OSBPL3: variants seen among roughly 807,000 people sequenced by gnomAD.
OSBPL3 encodes the protein oxysterol binding protein like 3.
Under a neutral mutation model 120.1 loss-of-function variants are expected in OSBPL3, and 65 were observed. The ratio of observed to expected loss-of-function variants is 0.54; its 90% CI spans 0.44 to 0.67. The LOEUF (loss-of-function observed/expected upper bound fraction) is 0.67, where lower values mean the gene tolerates loss of function less well. Among genes scored for constraint, OSBPL3 ranks in the 30% least tolerant of loss-of-function variants. The pLI is 0.00. For missense variants in OSBPL3, 1,004 were observed against 1,082.1 expected (o/e 0.93, Z 1.01); for synonymous variants, 416 against 402.6 (o/e 1.03, Z -0.40).
rs375477961 is a variant in OSBPL3, at chr7:24,830,753, A to T, written c.1884+15T>A. 26 of 1,590,858 alleles carry T rather than the reference A, an allele frequency of 1.6e-5. No homozygotes were observed. The highest frequency in any genetic ancestry group is 2.2e-5 in the Non-Finnish European group (26 of 1,172,670). On this transcript the variant is annotated intron_variant, in intron 16 of 22. Coordinates refer to ENST00000313367, the MANE Select transcript of OSBPL3 (RefSeq NM_015550.4). The surrounding 1 kb of genome is among the most constrained non-coding windows in gnomAD (Gnocchi z 4.4). ...AGCAACCCCTCCCAACAAGCAAAAA[A>T]TGGTGTACATCTACCTGTTCTGAAA... is the stretch of plus-strand genomic sequence containing the variant.
rs575763255 is a variant in OSBPL3, at chr7:24,894,849, T to C, written c.-149-2228A>G. ...GAGGCAGCTGATACAGGGTCATCTTTATCTCTTTGTCCTGCAGAATTTCAG... is the reference window on the plus strand; with the variant it reads ...GAGGCAGCTGATACAGGGTCATCTTCATCTCTTTGTCCTGCAGAATTTCAG... On this transcript the variant is annotated intron_variant, in intron 1 of 22. Transcript: ENST00000313367. The surrounding 1 kb of genome is among the most constrained non-coding windows in gnomAD (Gnocchi z 4.1). 6.6e-6 allele frequency among the ~76,000 whole-genome samples: 1 copy of C among 152,330 alleles called. No individual in the cohort carries two copies. The highest frequency in any genetic ancestry group is 6.5e-5 in the Admixed American group (1 of 15,310).
chr7:24,823,855 G>A (rs1795394640), intron 16 of OSBPL3, among the ~76,000 whole-genome samples: 1 of 152,196 alleles, frequency 6.6e-6, no homozygotes, highest in East Asian at 1.9e-4. Flanking sequence ...CTTAATCTTT[G>A]TTGATGGCAA....
chr7:24,899,722 T>C lies in OSBPL3; in HGVS notation c.-149-7101A>G, dbSNP rs1198881567. On this transcript the variant is annotated intron_variant, in intron 1 of 22. Transcript: ENST00000313367. This position sits in a 1 kb window ranked among gnomAD's most constrained non-coding sequence, Gnocchi z 4.0. ...GTTAATTAGCATTTCTGCATACAAA[T>C]GCATACAACCCACTATAAATGCCCA... Among the ~76,000 whole-genome samples the C allele has an allele frequency of 6.6e-6, 1 of 152,220 alleles. No individual in the cohort carries two copies. The highest frequency in any genetic ancestry group is 6.5e-5 in the Admixed American group (1 of 15,286).
chr7:24,836,087 T>G (rs1796961404), intron 14 of OSBPL3, among the ~76,000 whole-genome samples: 1 of 152,174 alleles, frequency 6.6e-6, no homozygotes, highest in African/African-American at 2.4e-5. Flanking sequence ...TAAATCATTT[T>G]TAAAGACTGT....
intron 1 of OSBPL3, among the ~76,000 whole-genome samples, chr7:24,895,360 A>C (rs1805985041): frequency 6.6e-6 from 1 of 152,172 alleles, no homozygotes; most frequent in African/African-American, 2.4e-5. Flanking sequence ...ATCATGCTGT[A>C]CAGGTTTGTA....
chr7:24,902,851 T>C (rs935597960), intron 1 of OSBPL3, among the ~76,000 whole-genome samples: 1 of 152,070 alleles, frequency 6.6e-6, no homozygotes, highest in East Asian at 1.9e-4. Flanking sequence ...GAGGGTCAAA[T>C]TGATGGCTCA....
At chr7:24,874,977 G>C (rs1251268852) in intron 2 of OSBPL3, among the ~76,000 whole-genome samples, 1 of 152,154 alleles carries the variant, frequency 6.6e-6, no homozygotes, top group African/African-American at 2.4e-5. Context: ...AGCCACTTTT[G>C]GTTGTGACAA....
chr7:24,974,477 G>A (rs560761309), intron 1 of OSBPL3, among the ~76,000 whole-genome samples: 9 of 152,240 alleles, frequency 5.9e-5, no homozygotes, highest in Middle Eastern at 3.4e-3. Flanking sequence ...TGTTTATTAC[G>A]CATCTATCTT....
intron 10 of OSBPL3, among the ~76,000 whole-genome samples, chr7:24,858,579 C>T (rs995129223): frequency 3.9e-5 from 6 of 152,202 alleles, no homozygotes; most frequent in Non-Finnish European, 5.9e-5. Flanking sequence ...GTTAGGCTCC[C>T]TGTGGAATTT....
At chr7:24,950,674 A>G (rs1223153936) in intron 1 of OSBPL3, among the ~76,000 whole-genome samples, 2 of 152,248 alleles carry the variant, frequency 1.3e-5, no homozygotes, top group Non-Finnish European at 2.9e-5. Flanking sequence ...GTGAGCGGAG[A>G]TCGTGCCACT....
At chr7:24,954,151 T>C (rs1814767928) in intron 1 of OSBPL3, among the ~76,000 whole-genome samples, 1 of 152,180 alleles carries the variant, frequency 6.6e-6, no homozygotes, top group African/African-American at 2.4e-5. Context: ...ACAGAATCAC[T>C]CAAGCCAAAG....
intron 1 of OSBPL3, among the ~76,000 whole-genome samples, chr7:24,924,492 C>T (rs138969312): frequency 2.6e-5 from 4 of 152,308 alleles, no homozygotes; most frequent in South Asian, 2.1e-4. Context: ...ATACCCAGTA[C>T]GGATTCCTAC....
rs457 is a variant in OSBPL3, at chr7:24,922,807, T to C, written c.-149-30186A>G. On this transcript the variant is annotated intron_variant, in intron 1 of 22. Coordinates refer to ENST00000313367, the MANE Select transcript of OSBPL3 (RefSeq NM_015550.4). This position sits in a 1 kb window ranked among gnomAD's most constrained non-coding sequence, Gnocchi z 4.3. ...CTGTCCAACCCTGTCCCTGCTGCCCTCACCCTCTTGGTGAAAGTGACAGAC... is the reference window on the plus strand; with the variant it reads ...CTGTCCAACCCTGTCCCTGCTGCCCCCACCCTCTTGGTGAAAGTGACAGAC... 0.62 allele frequency among the ~76,000 whole-genome samples: 93,820 copies of C among 151,368 alleles called. 29,779 individuals carry two copies. Among genetic ancestry groups the C allele is most frequent in the East Asian group, 0.91 (4,658 of 5,128 alleles).
In OSBPL3 at chr7:24,933,316, C is replaced by CA. The variant is rs968721350; in HGVS notation, c.-149-40696dup. 4.6e-5 allele frequency among the ~76,000 whole-genome samples: 7 copies of CA among 152,052 alleles called. No individual in the cohort carries two copies. The highest frequency in any genetic ancestry group is 1.4e-4 in the African/African-American group (6 of 41,484). On this transcript the variant is annotated intron_variant, in intron 1 of 22. Transcript: ENST00000313367. The surrounding 1 kb of genome is among the most constrained non-coding windows in gnomAD (Gnocchi z 5.1). ...CAATTTAGTAACACTGCTCTAGAGT[C>CA]AAAAAAAGAACCAACCCATGAAGGT...
intron 1 of OSBPL3, among the ~76,000 whole-genome samples, chr7:24,904,037 C>A (rs1807474162): frequency 6.6e-6 from 1 of 152,084 alleles, no homozygotes; most frequent in African/African-American, 2.4e-5. Context: ...TATATGCCAC[C>A]ACAGCTGGCT....
At chr7:24,961,528 C>A (rs1407130088) in intron 1 of OSBPL3, among the ~76,000 whole-genome samples, 1 of 152,060 alleles carries the variant, frequency 6.6e-6, no homozygotes, top group African/African-American at 2.4e-5. Flanking sequence ...ATTAGCGCTC[C>A]CACAAAAAAG....
In OSBPL3 at chr7:24,824,130, G is replaced by A. The variant is rs188275482; in HGVS notation, c.1885-3892C>T. Among the ~76,000 whole-genome samples the A allele has an allele frequency of 1.2e-4, 18 of 152,262 alleles. No individual in the cohort carries two copies. The highest frequency in any genetic ancestry group is 1.2e-3 in the Admixed American group (18 of 15,298). ...AGAAGAGCAATTCTTGATTGGTAAG[G>A]ATGCCCAAGCATTCAAGAAATTAGT... On this transcript the variant is annotated intron_variant, in intron 16 of 22. Coordinates refer to ENST00000313367, the MANE Select transcript of OSBPL3 (RefSeq NM_015550.4). The surrounding 1 kb of genome is among the most constrained non-coding windows in gnomAD (Gnocchi z 4.9).
At chr7:24,882,687 C>T (rs1325840633) in intron 2 of OSBPL3, among the ~76,000 whole-genome samples, 1 of 152,204 alleles carries the variant, frequency 6.6e-6, no homozygotes, top group Non-Finnish European at 1.5e-5. Context: ...TACTAATTTA[C>T]ATTCCCATTG....
At chr7:24,960,103 T>C (rs1815550942) in intron 1 of OSBPL3, among the ~76,000 whole-genome samples, 1 of 152,172 alleles carries the variant, frequency 6.6e-6, no homozygotes, top group African/African-American at 2.4e-5. Flanking sequence ...CCAATGCAGA[T>C]ATATGCCTCA....
Sources: gnomAD v4.1 joint callset for allele counts (sites outside exome capture counted in the v4.1 genomes callset) on GRCh38, gnomAD v4.1.1 for gene constraint, Gnocchi (gnomAD v3.1) non-coding constraint, MANE v1.5 for transcripts, NCBI Gene and HGNC (gene_info 2026-07-23, HGNC 2026-07-21) for gene names.